SELENOF: variants seen among roughly 807,000 people sequenced by gnomAD.
SELENOF encodes 15 kDa selenoprotein.
In SELENOF, 16 loss-of-function variants were observed where a neutral mutation model predicts 20.5. The ratio of observed to expected loss-of-function variants is 0.78; its 90% CI spans 0.53 to 1.19. The LOEUF (loss-of-function observed/expected upper bound fraction) is 1.19. Among genes scored for constraint, SELENOF ranks in the 50% most tolerant of loss-of-function variants. The pLI is 0.00. For synonymous variants in SELENOF, 78 were observed against 74.5 expected, an observed-to-expected ratio of 1.05 and a Z score of -0.24; for missense variants, 215 against 194.2, an observed-to-expected ratio of 1.11 and a Z score of -0.64.
intron 3 of SELENOF, among the ~76,000 whole-genome samples, chr1:86,873,081 AAATAAATAAAT>A (rs1557455432): frequency 3.9e-5 from 4 of 103,140 alleles, no homozygotes; most frequent in African/African-American, 1.7e-4. Context: ...ATAAATAAAT[AAATAAATAAAT>A]AAAATAAAAA....
chr1:86,906,374 G>C (rs1436871513), intron 1 of SELENOF, among the ~76,000 whole-genome samples: 4 of 152,308 alleles, frequency 2.6e-5, no homozygotes, highest in Admixed American at 6.5e-5. Context: ...TGTATCAAAG[G>C]CTGCATCAAT....
chr1:86,898,563 TCTGA>T (rs943250786), intron 2 of SELENOF, among the ~76,000 whole-genome samples: 14 of 150,562 alleles, frequency 9.3e-5, no homozygotes, highest in African/African-American at 2.4e-4. Context: ...CTATATAAAC[TCTGA>T]CTTTCTCTTC....
intron 2 of SELENOF, among the ~76,000 whole-genome samples, chr1:86,885,541 T>C (rs944601956): frequency 6.6e-6 from 1 of 152,156 alleles, no homozygotes; most frequent in Non-Finnish European, 1.5e-5. Context: ...ACCAGCACCA[T>C]TACACATTTA....
At chr1:86,899,649 C>T (rs1659631157) in intron 2 of SELENOF, among the ~76,000 whole-genome samples, 1 of 151,334 alleles carries the variant, frequency 6.6e-6, no homozygotes, top group Non-Finnish European at 1.5e-5. Context: ...GCTGACCCCC[C>T]CATCTCCCTC....
At chr1:86,867,427 G>A (rs1189147558) in intron 4 of SELENOF, among the ~76,000 whole-genome samples, 1 of 151,966 alleles carries the variant, frequency 6.6e-6, no homozygotes, top group Non-Finnish European at 1.5e-5. Context: ...AGGAGGCAGA[G>A]GTTGCAGTGA....
chr1:86,899,262 A>G (rs963284898), intron 2 of SELENOF, among the ~76,000 whole-genome samples: 1 of 150,842 alleles, frequency 6.6e-6, no homozygotes, highest in Non-Finnish European at 1.5e-5. Context: ...CCACAAAACC[A>G]CCATTGTCAT....
At position 86,914,019 on chromosome 1, in the gene SELENOF, T is replaced by C; in HGVS notation, c.84+9A>G. 6.2e-7 allele frequency: 1 copy of C among 1,609,440 alleles called. No homozygotes were observed. Among genetic ancestry groups the C allele is most frequent in the Non-Finnish European group, 8.5e-7 (1 of 1,175,840 alleles). On this transcript the variant is annotated intron_variant, in intron 1 of 4. Transcript: ENST00000331835. ...CCCTGTGGCAGCTGCGAAGGTGATCTACACTCACCGCTTGAAGCACAGTCG... is the reference window on the plus strand; with the variant it reads ...CCCTGTGGCAGCTGCGAAGGTGATCCACACTCACCGCTTGAAGCACAGTCG...
chr1:86,910,241 G>A (rs1659944284), intron 1 of SELENOF, among the ~76,000 whole-genome samples: 1 of 152,170 alleles, frequency 6.6e-6, no homozygotes, highest in Admixed American at 6.5e-5. Context: ...AATTCAATAG[G>A]CAGAGTTTGA....
chr1:86,882,163 C>T (rs905532908), intron 2 of SELENOF, among the ~76,000 whole-genome samples: 3 of 139,130 alleles, frequency 2.2e-5, no homozygotes, highest in Admixed American at 1.6e-4. Flanking sequence ...ACCCAGGAGG[C>T]GGAGGTTGCA....
At chr1:86,870,664 C>T (rs1658738351) in intron 3 of SELENOF, among the ~76,000 whole-genome samples, 1 of 152,032 alleles carries the variant, frequency 6.6e-6, no homozygotes, top group South Asian at 2.1e-4. Context: ...GTCGCCCAGG[C>T]TGGAGTGCAG....
upstream of SELENOF, chr1:86,914,379 G>T (rs1428817219): frequency 3.9e-6 from 2 of 510,718 alleles, no homozygotes; most frequent in Non-Finnish European, 7.1e-6. Flanking sequence ...TCGTCAAGCA[G>T]CCAAGAAGCC....
chr1:86,884,374 CACAT>C (rs767336629), intron 2 of SELENOF, among the ~76,000 whole-genome samples: 19 of 141,476 alleles, frequency 1.3e-4, no homozygotes, highest in Admixed American at 2.8e-4. Flanking sequence ...CACACACACA[CACAT>C]ATACACACAC....
intron 2 of SELENOF, among the ~76,000 whole-genome samples, chr1:86,881,727 C>G (rs1209655660): frequency 6.6e-6 from 1 of 152,054 alleles, no homozygotes; most frequent in Non-Finnish European, 1.5e-5. Flanking sequence ...AAAAAACTAC[C>G]TTAATGTGAC....
At chr1:86,891,060 T>TC in intron 2 of SELENOF, among the ~76,000 whole-genome samples, 1 of 151,892 alleles carries the variant, frequency 6.6e-6, no homozygotes. Flanking sequence ...TTTCTTTTTT[T>TC]TTTTTTTAGA....
intron 1 of SELENOF, among the ~76,000 whole-genome samples, chr1:86,909,568 A>G (rs1163275010): frequency 6.6e-6 from 1 of 152,228 alleles, no homozygotes; most frequent in East Asian, 1.9e-4. Flanking sequence ...CGAAGGGAAT[A>G]TAAAATAAAA....
chr1:86,880,755 A>C, intron 2 of SELENOF, 30 bp from the exon 3 acceptor site: 2 of 1,363,462 alleles, frequency 1.5e-6, no homozygotes, highest in Admixed American at 4.6e-5. Flanking sequence ...AATTTAAAAA[A>C]CTGGTATAAA....
intron 1 of SELENOF, among the ~76,000 whole-genome samples, chr1:86,908,743 T>C (rs1211044372): frequency 1.3e-5 from 2 of 152,230 alleles, no homozygotes; most frequent in Admixed American, 1.3e-4. Context: ...CTTTTTAGTG[T>C]AGTGCCTTTT....
intron 3 of SELENOF, among the ~76,000 whole-genome samples, chr1:86,869,480 G>A (rs969916445): frequency 4.6e-5 from 7 of 151,948 alleles, no homozygotes; most frequent in Admixed American, 3.9e-4. Flanking sequence ...ATATTTTCCC[G>A]TGCAAATGAA....
chr1:86,912,357 C>T (rs548169929), intron 1 of SELENOF, among the ~76,000 whole-genome samples: 4 of 152,080 alleles, frequency 2.6e-5, no homozygotes, highest in Non-Finnish European at 5.9e-5. Context: ...CACTGTGGTA[C>T]GCTGTTTAAT....
Sources: allele counts gnomAD v4.1 joint callset (sites outside exome capture counted in the v4.1 genomes callset), GRCh38; gene constraint gnomAD v4.1.1; transcripts MANE v1.5; gene names NCBI Gene and HGNC (gene_info 2026-07-23, HGNC 2026-07-21).